The following TRPA1 variants were observed in gnomAD, a reference collection of about 807,000 sequenced individuals.
TRPA1 encodes the protein ankyrin-like with transmembrane domains 1.
Under a neutral mutation model 131.3 loss-of-function variants are expected in TRPA1, and 129 were observed. The ratio of observed to expected loss-of-function variants is 0.98; its 90% CI spans 0.85 to 1.14. TRPA1 has a LOEUF of 1.14. TRPA1 is among the 50% of genes most tolerant of loss of function. TRPA1 has a pLI of 0.00. For synonymous variants in TRPA1, 441 were observed against 451.7 expected, an observed-to-expected ratio of 0.98 and a Z score of 0.30; for missense variants, 1,304 against 1,354.2, an observed-to-expected ratio of 0.96 and a Z score of 0.58.
chr8:72,075,634 G>T (rs1806163620), upstream of TRPA1: 2 of 563,104 alleles, frequency 3.6e-6, no homozygotes, highest in South Asian at 2.0e-5. Flanking sequence ...AGCAGGCGGG[G>T]CGCGGAGAGG....
At chr8:72,075,069 A>G (rs1050322249) in intron 1 of TRPA1, among the ~76,000 whole-genome samples, 1 of 152,208 alleles carries the variant, frequency 6.6e-6, no homozygotes, top group Non-Finnish European at 1.5e-5. Flanking sequence ...CCTGGACTGC[A>G]GTTGCCCGTC....
intron 3 of TRPA1, among the ~76,000 whole-genome samples, chr8:72,068,384 G>A (rs1256209096): frequency 2.6e-5 from 4 of 152,122 alleles, no homozygotes; most frequent in Non-Finnish European, 4.4e-5. Flanking sequence ...TTACCCTTTA[G>A]CAATTTTCCA....
chr8:72,073,540 A>G (rs780120783), intron 1 of TRPA1, among the ~76,000 whole-genome samples: 1 of 152,258 alleles, frequency 6.6e-6, no homozygotes, highest in Non-Finnish European at 1.5e-5. Context: ...AGAGATTTTT[A>G]CAAAATGATA....
In TRPA1 at chr8:72,023,527, A is replaced by G. The variant is rs544313407; in HGVS notation, c.3149+287T>C. On this transcript the variant is annotated intron_variant, in intron 26 of 26. Coordinates refer to ENST00000262209, the MANE Select transcript of TRPA1 (RefSeq NM_007332.3). ...GAAGCTTTCAGAGCTTTGCTTTATGAATTCAGATGAAGAATACAGTTTATG... is the reference window on the plus strand; with the variant it reads ...GAAGCTTTCAGAGCTTTGCTTTATGGATTCAGATGAAGAATACAGTTTATG... 499 of 414,396 alleles carry G rather than the reference A, an allele frequency of 1.2e-3. 1 individual carries two copies. Among genetic ancestry groups the G allele is most frequent in the African/African-American group, 9.1e-3 (452 of 49,844 alleles). 25.7% of individuals were successfully genotyped at this position (414,396 alleles called of 1,614,324 possible).
Position 72,075,359 on chromosome 8 carries a change from G to T in TRPA1, c.51C>A (p.Pro17=). 1.2e-6 allele frequency: 2 copies of T among 1,612,450 alleles called. No individual in the cohort carries two copies. The highest frequency in any genetic ancestry group is 1.7e-6 in the Non-Finnish European group (2 of 1,179,844). The change falls in exon 1 of 27, where the codon CCC becomes CCA. Residue 17 remains proline, a synonymous_variant. Coordinates refer to ENST00000262209, the MANE Select transcript of TRPA1 (RefSeq NM_007332.3). ...KMWRPGEKKE[P]QGVVYEDVPD... is the part of the protein sequence containing the mutation. Reference sequence around the variant, plus strand: ...GCACATCCTCATAGACAACGCCCTGGGGCTCCTTCTTTTCTCCAGGGCGCC... The same window carrying T: ...GCACATCCTCATAGACAACGCCCTGTGGCTCCTTCTTTTCTCCAGGGCGCC...
chr8:72,089,259 A>G, the TRPA1 span, among the ~76,000 whole-genome samples: 9 of 152,264 alleles, frequency 5.9e-5, no homozygotes, highest in East Asian at 9.6e-4. Context: ...TTCTCTAAAT[A>G]CAAGTAATAC....
intron 23 of TRPA1, among the ~76,000 whole-genome samples, chr8:72,033,264 TTC>T (rs750862947): frequency 6.6e-6 from 1 of 152,236 alleles, no homozygotes; most frequent in Non-Finnish European, 1.5e-5. Flanking sequence ...CTTTCCCTGC[TTC>T]TTATTTCTTC....
In TRPA1 at chr8:72,034,387, TAAA is replaced by T. The variant is rs746093133; in HGVS notation, c.2556-13_2556-11del. The T allele has an allele frequency of 5.2e-6, 6 of 1,161,410 alleles. No homozygotes were observed. Among genetic ancestry groups the T allele is most frequent in the Admixed American group, 2.4e-5 (1 of 41,550 alleles). 71.9% of individuals were successfully genotyped at this position (1,161,410 alleles called of 1,614,324 possible). A position where few individuals can be genotyped will look rare whatever the true frequency, so the allele number is the denominator to read the frequency against. On this transcript the variant is annotated splice_polypyrimidine_tract_variant and intron_variant, in intron 21 of 26. Transcript: ENST00000262209. ...TCCACAATTTTCAAATCTAGAAAAG[TAAA>T]AAAAAAAAAATTTACTCACTTTTAT...
intron 25 of TRPA1, among the ~76,000 whole-genome samples, 156 bp from the exon 26 acceptor site, chr8:72,024,067 G>C (rs1258540869): frequency 6.6e-6 from 1 of 152,160 alleles, no homozygotes; most frequent in East Asian, 1.9e-4. Context: ...AGAGACATGT[G>C]AAGAAAGAGC....
the TRPA1 span, among the ~76,000 whole-genome samples, chr8:72,085,153 A>G: frequency 1.3e-5 from 2 of 152,214 alleles, no homozygotes; most frequent in Non-Finnish European, 2.9e-5. Flanking sequence ...TTTTATTGAT[A>G]GTGCTCAGTT....
At chr8:72,055,016 AAAAGT>A (rs1313923255) in intron 12 of TRPA1, 2 of 157,936 alleles carry the variant, frequency 1.3e-5, no homozygotes, top group Non-Finnish European at 2.8e-5. Flanking sequence ...AGATTGAATG[AAAAGT>A]AGAGTATTTG....
chr8:72,041,571 C>T (rs76665067), intron 17 of TRPA1, among the ~76,000 whole-genome samples: 2,234 of 151,822 alleles, frequency 0.015, 74 homozygotes, highest in African/African-American at 0.05. Flanking sequence ...ATATGAAAAT[C>T]GAAAAACCTG....
At chr8:72,065,632 T>A in intron 3 of TRPA1, 74 bp from the exon 4 acceptor site, 3 of 1,057,220 alleles carry the variant, frequency 2.8e-6, no homozygotes, top group East Asian at 2.5e-5. Flanking sequence ...CACTAGAGTT[T>A]AAGTTTTCAA....
chr8:72,082,631 A>C, the TRPA1 span, among the ~76,000 whole-genome samples: 1 of 151,968 alleles, frequency 6.6e-6, no homozygotes, highest in Admixed American at 6.5e-5. Flanking sequence ...TTTGAGTATT[A>C]TTACATTGCC....
chr8:72,081,162 T>C, the TRPA1 span, among the ~76,000 whole-genome samples: 1 of 151,876 alleles, frequency 6.6e-6, no homozygotes, highest in Non-Finnish European at 1.5e-5. Flanking sequence ...TGTTTAAAGA[T>C]ACAAAATACT....
intron 23 of TRPA1, 143 bp from the exon 24 acceptor site, chr8:72,030,112 T>C (rs3779750): frequency 0.22 from 183,232 of 820,670 alleles, 22,954 homozygotes; most frequent in Middle Eastern, 0.36. Context: ...TAATTGCTTA[T>C]GGTTCTGCAG....
chr8:72,085,103 AGGG>A, the TRPA1 span, among the ~76,000 whole-genome samples: 1 of 152,174 alleles, frequency 6.6e-6, no homozygotes, highest in Admixed American at 6.5e-5. Flanking sequence ...TTCAATGGCT[AGGG>A]ACTTTTCAAA....
chr8:72,054,946 A>T (rs2129435476), intron 12 of TRPA1: 1 of 153,260 alleles, frequency 6.5e-6, no homozygotes, highest in African/African-American at 2.4e-5. Flanking sequence ...AATAAAATTC[A>T]GAAATTTTTA....
chr8:72,065,740 T>C (rs1419395456), intron 3 of TRPA1, among the ~76,000 whole-genome samples, 182 bp from the exon 4 acceptor site: 1 of 152,198 alleles, frequency 6.6e-6, no homozygotes, highest in African/African-American at 2.4e-5. Flanking sequence ...ATTTCCCCAT[T>C]AGATGAAATA....
Sources: gnomAD v4.1 joint callset for allele counts (sites outside exome capture counted in the v4.1 genomes callset) on GRCh38, gnomAD v4.1.1 for gene constraint, MANE v1.5 for transcripts, NCBI Gene and HGNC (gene_info 2026-07-23, HGNC 2026-07-21) for gene names.